FBXW11: variants seen among roughly 807,000 people sequenced by gnomAD.
FBXW11 encodes the protein F-box and WD repeat domain containing 11.
Under a neutral mutation model 77.6 loss-of-function variants are expected in FBXW11, and 19 were observed. That is an observed-to-expected ratio of 0.24 (90% CI 0.17 to 0.36). The LOEUF is 0.36. Ranked by LOEUF, FBXW11 falls within the 10% of genes least tolerant of loss-of-function variation. The probability of loss-of-function intolerance (pLI) is 1.00; values close to 1 mark genes in which losing one functional copy is unlikely to be tolerated. For missense variants in FBXW11, 334 were observed against 704.2 expected, an observed-to-expected ratio of 0.47 and a Z score of 5.95; for synonymous variants, 235 against 249.4, an observed-to-expected ratio of 0.94 and a Z score of 0.54.
chr5:171,900,254 C>T lies in FBXW11; in HGVS notation c.437-154G>A, dbSNP rs116073317. 9.6e-3 allele frequency among the ~76,000 whole-genome samples: 1,463 copies of T among 152,300 alleles called. 26 individuals are homozygous for T. Among genetic ancestry groups the T allele is most frequent in the African/African-American group, 0.033 (1,388 of 41,564 alleles). On this transcript the variant is annotated intron_variant, in intron 4 of 13. Coordinates refer to ENST00000517395, the MANE Select transcript of FBXW11 (RefSeq NM_001378974.1). The stretch of plus-strand genomic sequence containing the variant: ...CTACAGATACTCAAATCCATGAGTA[C>T]ATAAACATATACACTTCTTTTTGGT...
chr5:171,956,601 C>A (rs544705146), intron 2 of FBXW11, among the ~76,000 whole-genome samples: 5 of 152,240 alleles, frequency 3.3e-5, no homozygotes, highest in African/African-American at 1.2e-4. Flanking sequence ...CTCCCCAGCT[C>A]CATTTAAAAA....
chr5:171,981,834 T>C (rs958295040), intron 1 of FBXW11, among the ~76,000 whole-genome samples: 1 of 152,164 alleles, frequency 6.6e-6, no homozygotes, highest in Non-Finnish European at 1.5e-5. Flanking sequence ...TATATACTCA[T>C]ATAATGCAAT....
intron 1 of FBXW11, among the ~76,000 whole-genome samples, chr5:171,958,949 C>T (rs1212082323): frequency 6.6e-6 from 1 of 151,926 alleles, no homozygotes; most frequent in African/African-American, 2.4e-5. Flanking sequence ...ATAACTTTCA[C>T]TCTCAAAAGT....
At chr5:171,955,514 G>C (rs1763561989) in intron 2 of FBXW11, among the ~76,000 whole-genome samples, 1 of 152,148 alleles carries the variant, frequency 6.6e-6, no homozygotes, top group Non-Finnish European at 1.5e-5. Flanking sequence ...CGAAATTTTA[G>C]CACTGTTTGG....
rs561526283 is a variant in FBXW11, at chr5:171,938,012, T to TA, written c.147+19584dup. ...AAAAATTTCTTTAAATTGAGGGAAG[T>TA]AAAAAAAACACCAAAATCCCAATAA... On this transcript the variant is annotated intron_variant, in intron 2 of 13. Transcript: ENST00000517395. 2.6e-4 allele frequency among the ~76,000 whole-genome samples: 40 copies of TA among 151,994 alleles called. 1 individual carries two copies. The highest frequency in any genetic ancestry group is 5.9e-4 in the Admixed American group (9 of 15,258).
chr5:171,970,321 G>T (rs918273892), intron 1 of FBXW11, among the ~76,000 whole-genome samples: 5 of 152,116 alleles, frequency 3.3e-5, no homozygotes, highest in African/African-American at 1.2e-4. Context: ...GTGTTTGACA[G>T]TTCCTCCTCT....
At chr5:171,941,558 C>T (rs973753427) in intron 2 of FBXW11, among the ~76,000 whole-genome samples, 1 of 151,058 alleles carries the variant, frequency 6.6e-6, no homozygotes, top group East Asian at 1.9e-4. Flanking sequence ...ATTTGATTCT[C>T]GTATTATGAC....
At chr5:171,894,332 T>C (rs1466450249) in intron 6 of FBXW11, among the ~76,000 whole-genome samples, 1 of 152,254 alleles carries the variant, frequency 6.6e-6, no homozygotes, top group Non-Finnish European at 1.5e-5. Flanking sequence ...GCTTAGCTTC[T>C]CAACACTTAT....
chr5:171,905,872 T>C (rs1049826581), intron 4 of FBXW11, among the ~76,000 whole-genome samples: 1 of 151,958 alleles, frequency 6.6e-6, no homozygotes, highest in Non-Finnish European at 1.5e-5. Flanking sequence ...GACTCCCCCA[T>C]CTCTCACCAC....
In FBXW11 at chr5:171,957,626, G is replaced by A. The variant is rs1434646845; in HGVS notation, c.118C>T (p.Gln40Ter). ...AGACATCTGACACTGGGCATGCTCT[G>A]CAGGCAACTCAGTGCGCACATGCTC... ...VESMCALSCL[Q>*]SMPSVRCLQN... is the part of the protein sequence containing the mutation. Residue 40 changes from glutamine (Q) to a stop codon, truncating the protein, a stop_gained, in exon 2 of 14, where the codon CAG becomes TAG. Transcript: ENST00000517395. LOFTEE classifies it high-confidence loss of function. 1 of 1,614,168 alleles carries A rather than the reference G, an allele frequency of 6.2e-7. No individual in the cohort carries two copies. The highest frequency in any genetic ancestry group is 1.7e-5 in the Admixed American group (1 of 60,034).
intron 1 of FBXW11, among the ~76,000 whole-genome samples, chr5:171,996,101 G>T (rs1277261191): frequency 6.6e-6 from 1 of 152,100 alleles, no homozygotes; most frequent in African/African-American, 2.4e-5. Flanking sequence ...AAGGGTAACT[G>T]GCATGTAGCA....
intron 4 of FBXW11, among the ~76,000 whole-genome samples, chr5:171,902,323 T>C (rs184229948): frequency 6.8e-4 from 103 of 152,356 alleles, no homozygotes; most frequent in Non-Finnish European, 1.1e-3. Flanking sequence ...TTCACTTACA[T>C]GTTGACACTA....
At chr5:171,974,915 C>G (rs1426136148) in intron 1 of FBXW11, among the ~76,000 whole-genome samples, 1 of 152,176 alleles carries the variant, frequency 6.6e-6, no homozygotes, top group Non-Finnish European at 1.5e-5. Context: ...CTGCCTCAAC[C>G]TTCCAAGTGG....
At chr5:171,969,997 G>A (rs1283827444) in intron 1 of FBXW11, among the ~76,000 whole-genome samples, 1 of 152,278 alleles carries the variant, frequency 6.6e-6, no homozygotes, top group East Asian at 1.9e-4. Flanking sequence ...GAGCAACCAC[G>A]CCTGGCTTAA....
intron 1 of FBXW11, among the ~76,000 whole-genome samples, chr5:171,987,223 T>C (rs1765495537): frequency 6.6e-6 from 1 of 152,132 alleles, no homozygotes; most frequent in African/African-American, 2.4e-5. Context: ...CAAGATTTAG[T>C]TATAACCTGC....
chr5:171,920,758 G>T (rs1193453637), intron 2 of FBXW11, among the ~76,000 whole-genome samples: 1 of 152,042 alleles, frequency 6.6e-6, no homozygotes, highest in African/African-American at 2.4e-5. Context: ...CATATAGTGT[G>T]TTTTTTTAAT....
intron 1 of FBXW11, among the ~76,000 whole-genome samples, chr5:171,986,361 C>A (rs1765441787): frequency 6.6e-6 from 1 of 151,886 alleles, no homozygotes; most frequent in Admixed American, 6.6e-5. Flanking sequence ...TGAGATCACA[C>A]CATTGTACTC....
chr5:171,940,876 A>T (rs1334391755), intron 2 of FBXW11, among the ~76,000 whole-genome samples: 1 of 77,336 alleles, frequency 1.3e-5, no homozygotes, highest in African/African-American at 4.9e-5. Flanking sequence ...ACAGAGCAAG[A>T]CTCCGTCTCA....
intron 1 of FBXW11, among the ~76,000 whole-genome samples, chr5:171,986,511 G>A (rs1765449779): frequency 1.3e-5 from 2 of 151,430 alleles, no homozygotes; most frequent in Non-Finnish European, 1.5e-5. Context: ...TGGATCATCT[G>A]AGGTCAGGAG....
Sources: gnomAD v4.1 joint callset for allele counts (sites outside exome capture counted in the v4.1 genomes callset) on GRCh38, gnomAD v4.1.1 for gene constraint, MANE v1.5 for transcripts, NCBI Gene and HGNC (gene_info 2026-07-23, HGNC 2026-07-21) for gene names.